The following ATG13 variants were observed in gnomAD, a reference collection of about 807,000 sequenced individuals.
The protein encoded by ATG13 is autophagy-related protein 13.
ATG13 carries 23 observed loss-of-function variants against 65.5 expected under a neutral mutation model. The ratio of observed to expected loss-of-function variants is 0.35; its 90% CI spans 0.25 to 0.50. ATG13 has a LOEUF of 0.50. Ranked by LOEUF, ATG13 falls within the 20% of genes least tolerant of loss-of-function variation. ATG13 has a pLI of 0.98. For synonymous variants in ATG13, 252 were observed against 245.2 expected (o/e 1.03, Z -0.26); for missense variants, 566 against 677.0 (o/e 0.84, Z 1.82).
At chr11:46,669,069 G>A (rs1251011503) in intron 17 of ATG13, among the ~76,000 whole-genome samples, 159 bp downstream of exon 17, 4 of 152,134 alleles carry the variant, frequency 2.6e-5, no homozygotes, top group African/African-American at 9.7e-5. Flanking sequence ...ACATTTTGGA[G>A]GCCGATAAAC....
intron 15 of ATG13, 107 bp from the exon 16 acceptor site, chr11:46,668,392 C>T: frequency 1.8e-6 from 2 of 1,120,188 alleles, no homozygotes; most frequent in African/African-American, 1.5e-5. Flanking sequence ...GCATGGTCAG[C>T]ATAGCTGTGT....
chr11:46,629,910 G>T (rs965434517), intron 1 of ATG13, 135 bp from the exon 2 acceptor site: 2 of 151,998 alleles, frequency 1.3e-5, no homozygotes, highest in Non-Finnish European at 2.9e-5. Context: ...TCCTAAGGCT[G>T]TGTCGTCCCA....
At chr11:46,618,149 T>G in intron 1 of ATG13, 1 of 363,352 alleles carries the variant, frequency 2.8e-6, no homozygotes, top group Admixed American at 4.6e-5. Context: ...CGTCAGGCGT[T>G]TTGGAGGTAA....
Position 46,657,549 on chromosome 11 carries a change from A to G in ATG13, c.622A>G (p.Met208Val). 1.2e-6 allele frequency: 2 copies of G among 1,614,018 alleles called. No homozygotes were observed. Among genetic ancestry groups the G allele is most frequent in the Non-Finnish European group, 1.7e-6 (2 of 1,179,886 alleles). ...GCAATTTGAGAGGACCCCACCTATC[A>G]TGGGGATTATTATTGATCACTTTGT... ...TRQFERTPPIMGIIIDHFVDR... is the reference protein window; with the variant it reads ...TRQFERTPPIVGIIIDHFVDR... Residue 208 changes from methionine to valine, a missense_variant, in exon 10 of 19, where the codon ATG becomes GTG. Physicochemically the swap from Met to Val is conservative, Grantham distance 21. Coordinates refer to ENST00000683050, the MANE Select transcript of ATG13 (RefSeq NM_001346311.2).
At chr11:46,651,108 G>T (rs147501796) in intron 7 of ATG13, among the ~76,000 whole-genome samples, 3 of 152,312 alleles carry the variant, frequency 2.0e-5, no homozygotes, top group African/African-American at 7.2e-5. Flanking sequence ...CCTTTTTAGT[G>T]CAAGCATTGT....
intron 1 of ATG13, among the ~76,000 whole-genome samples, chr11:46,626,658 C>T (rs2049770933): frequency 6.6e-6 from 1 of 152,118 alleles, no homozygotes; most frequent in Admixed American, 6.6e-5. Flanking sequence ...ACCTGTGTTC[C>T]CATAGATTGT....
intron 7 of ATG13, among the ~76,000 whole-genome samples, chr11:46,653,600 C>T (rs940242355): frequency 5.3e-5 from 8 of 150,192 alleles, no homozygotes; most frequent in East Asian, 1.9e-4. Flanking sequence ...GACGGAGTCT[C>T]GCTGTGTTGC....
intron 13 of ATG13, 43 bp from the exon 14 acceptor site, chr11:46,665,340 T>G: frequency 6.3e-7 from 1 of 1,596,430 alleles, no homozygotes; most frequent in South Asian, 1.1e-5. Context: ...CCCTCCTGCC[T>G]GGCATGCCAT....
At chr11:46,656,423 C>T in intron 8 of ATG13, 150 bp downstream of exon 8, 1 of 728,618 alleles carries the variant, frequency 1.4e-6, no homozygotes, top group Non-Finnish European at 2.1e-6. Flanking sequence ...GTAGGTGGTC[C>T]AGGTTACCCC....
intron 10 of ATG13, among the ~76,000 whole-genome samples, chr11:46,658,253 A>G (rs1050724939): frequency 6.6e-6 from 1 of 152,200 alleles, no homozygotes; most frequent in African/African-American, 2.4e-5. Flanking sequence ...GACTAGATGT[A>G]TATCAGGAAG....
intron 5 of ATG13, among the ~76,000 whole-genome samples, chr11:46,647,673 G>A (rs1301824720): frequency 6.6e-6 from 1 of 151,686 alleles, no homozygotes; most frequent in East Asian, 1.9e-4. Context: ...CTAGGTTCAG[G>A]GGATCCTCCC....
intron 1 of ATG13, among the ~76,000 whole-genome samples, chr11:46,624,599 G>C (rs1000697719): frequency 6.6e-6 from 1 of 151,696 alleles, no homozygotes; most frequent in Non-Finnish European, 1.5e-5. Flanking sequence ...ACTTCCTCAT[G>C]GTTAGTTTCA....
At chr11:46,618,014 T>A in intron 1 of ATG13, 124 bp downstream of exon 1, 1 of 397,106 alleles carries the variant, frequency 2.5e-6, no homozygotes, top group East Asian at 3.6e-5. Context: ...TTCAATCCCC[T>A]GGGCCCCTGA....
At chr11:46,622,561 A>C (rs2048095313) in intron 1 of ATG13, among the ~76,000 whole-genome samples, 1 of 152,210 alleles carries the variant, frequency 6.6e-6, no homozygotes, top group African/African-American at 2.4e-5. Flanking sequence ...ACTACTGCGG[A>C]AAGTTTTTGT....
At chr11:46,626,442 G>T (rs1591479414) in intron 1 of ATG13, among the ~76,000 whole-genome samples, 2 of 151,988 alleles carry the variant, frequency 1.3e-5, no homozygotes, top group Non-Finnish European at 2.9e-5. Context: ...TAGAGACAGG[G>T]TTTCACCATA....
intron 3 of ATG13, 76 bp from the exon 4 acceptor site, chr11:46,645,263 A>T: frequency 7.7e-7 from 1 of 1,294,264 alleles, no homozygotes; most frequent in Non-Finnish European, 1.1e-6. Flanking sequence ...GGAGGATTTT[A>T]ACCCTGATCG....
intron 8 of ATG13, 62 bp from the exon 9 acceptor site, chr11:46,657,033 C>A: frequency 2.2e-6 from 3 of 1,360,454 alleles, no homozygotes; most frequent in Non-Finnish European, 3.2e-6. Flanking sequence ...CAGGGAAAGA[C>A]GGTCTGGGGG....
intron 7 of ATG13, among the ~76,000 whole-genome samples, chr11:46,654,048 T>A (rs2059486814): frequency 6.6e-6 from 1 of 151,644 alleles, no homozygotes; most frequent in African/African-American, 2.4e-5. Context: ...ACTGTGTTTA[T>A]GTTTTTATTT....
In ATG13 at chr11:46,659,417, A is replaced by G; in HGVS notation, c.721A>G (p.Ile241Val). The G allele has an allele frequency of 1.2e-6, 2 of 1,613,926 alleles. No individual in the cohort carries two copies. Among genetic ancestry groups the G allele is most frequent in the Non-Finnish European group, 1.7e-6 (2 of 1,179,802 alleles). Residue 241 changes from isoleucine to valine, a missense_variant, in exon 11 of 19, where the codon ATA becomes GTA. By Grantham distance (29) the Ile-to-Val change is conservative. Coordinates refer to ENST00000683050, the MANE Select transcript of ATG13 (RefSeq NM_001346311.2). ...AACTGCTGGTGAGGACACTGGAGTA[A>G]TATACCCGTCTGTAGAAGACTCTCA... Reference protein sequence around the residue: ...YRTAGEDTGVIYPSVEDSQEV... With the variant: ...YRTAGEDTGVVYPSVEDSQEV...
Sources: allele counts gnomAD v4.1 joint callset (sites outside exome capture counted in the v4.1 genomes callset), GRCh38; gene constraint gnomAD v4.1.1; transcripts MANE v1.5; gene names NCBI Gene and HGNC (gene_info 2026-07-23, HGNC 2026-07-21).